The following TMEM132D variants were observed in gnomAD, a reference collection of about 807,000 sequenced individuals.
TMEM132D encodes transmembrane protein 132D.
Under a neutral mutation model 62.3 loss-of-function variants are expected in TMEM132D, and 21 were observed. That is an observed-to-expected ratio of 0.34 (90% confidence interval 0.24 to 0.49). The LOEUF is 0.49. TMEM132D is among the 20% of genes least tolerant of loss of function. The pLI is 0.99. For synonymous variants in TMEM132D, 621 were observed against 575.6 expected, an observed-to-expected ratio of 1.08 and a Z score of -1.13; for missense variants, 1,346 against 1,402.8, an observed-to-expected ratio of 0.96 and a Z score of 0.65.
At chr12:129,707,525 T>G (rs966041678) in intron 1 of TMEM132D, among the ~76,000 whole-genome samples, 1 of 152,178 alleles carries the variant, frequency 6.6e-6, no homozygotes, top group African/African-American at 2.4e-5. Context: ...AATTTTTCTA[T>G]AGAATATCTT....
chr12:129,457,498 G>A (rs867491858), intron 3 of TMEM132D, among the ~76,000 whole-genome samples: 3 of 150,488 alleles, frequency 2.0e-5, no homozygotes, highest in Non-Finnish European at 4.4e-5. Context: ...GCTAAATGAC[G>A]AGTTAATGGG....
intron 3 of TMEM132D, among the ~76,000 whole-genome samples, chr12:129,511,134 T>C (rs1038492292): frequency 1.3e-5 from 2 of 152,202 alleles, no homozygotes; most frequent in Admixed American, 6.5e-5. Flanking sequence ...AATAGTGATA[T>C]AAAATATACC....
intron 5 of TMEM132D, among the ~76,000 whole-genome samples, chr12:129,163,042 C>T (rs569801145): frequency 6.5e-4 from 99 of 152,318 alleles, no homozygotes; most frequent in African/African-American, 2.1e-3. Context: ...TCCGACACCA[C>T]GTCCTGGGGG....
intron 2 of TMEM132D, among the ~76,000 whole-genome samples, chr12:129,643,786 C>T (rs546353276): frequency 2.4e-4 from 36 of 152,166 alleles, no homozygotes; most frequent in Admixed American, 9.8e-4. Context: ...GAAGGCCCCT[C>T]CAGGCTTCCA....
In TMEM132D at chr12:129,367,577, G is replaced by A. The variant is rs150932887; in HGVS notation, c.1116-29760C>T. ...AGCAAGGGTCTTCTTCAGGTGTGAC[G>A]GGCTGCAAGGTCAAATGGATGGAGT... On this transcript the variant is annotated intron_variant, in intron 3 of 8. Transcript: ENST00000422113. 2.1e-3 allele frequency among the ~76,000 whole-genome samples: 314 copies of A among 152,166 alleles called. 2 individuals carry two copies. The highest frequency in any genetic ancestry group is 6.8e-3 in the African/African-American group (282 of 41,510).
At chr12:129,672,496 G>A (rs934116351) in intron 2 of TMEM132D, among the ~76,000 whole-genome samples, 3 of 152,102 alleles carry the variant, frequency 2.0e-5, no homozygotes, top group African/African-American at 4.8e-5. Flanking sequence ...TTAGTGTTCC[G>A]TACCTTGACC....
chr12:129,897,579 A>G (rs1875186615), intron 1 of TMEM132D, among the ~76,000 whole-genome samples: 1 of 152,196 alleles, frequency 6.6e-6, no homozygotes, highest in South Asian at 2.1e-4. Flanking sequence ...AATAAAAAAA[A>G]CAAAAAAGAA....
At chr12:129,164,157 G>A (rs1877475211) in intron 5 of TMEM132D, among the ~76,000 whole-genome samples, 1 of 152,184 alleles carries the variant, frequency 6.6e-6, no homozygotes, top group Non-Finnish European at 1.5e-5. Flanking sequence ...CCACAACACA[G>A]CCTGGAAGCT....
chr12:129,366,438 G>A (rs546804076), intron 3 of TMEM132D, among the ~76,000 whole-genome samples: 2 of 152,106 alleles, frequency 1.3e-5, no homozygotes, highest in African/African-American at 2.4e-5. Context: ...CATGTGACAC[G>A]CCTGCTTCCC....
intron 2 of TMEM132D, among the ~76,000 whole-genome samples, chr12:129,553,260 C>T: frequency 6.6e-6 from 1 of 152,180 alleles, no homozygotes; most frequent in Non-Finnish European, 1.5e-5. Flanking sequence ...CCCGTGGTCC[C>T]TGGCTGCGTG....
intron 3 of TMEM132D, among the ~76,000 whole-genome samples, chr12:129,419,018 G>A (rs969230385): frequency 2.0e-5 from 3 of 152,154 alleles, no homozygotes; most frequent in Non-Finnish European, 2.9e-5. Flanking sequence ...AGCCTTCCAC[G>A]GGAGCAGGGC....
At chr12:129,765,592 A>T (rs1228648316) in intron 1 of TMEM132D, among the ~76,000 whole-genome samples, 1 of 152,060 alleles carries the variant, frequency 6.6e-6, no homozygotes, top group East Asian at 1.9e-4. Context: ...AGACCCAGAA[A>T]AAAAAAAGAA....
chr12:129,374,468 C>T (rs965788471), intron 3 of TMEM132D, among the ~76,000 whole-genome samples: 1 of 151,836 alleles, frequency 6.6e-6, no homozygotes, highest in African/African-American at 2.4e-5. Context: ...ATAACAGATG[C>T]CTTGGGCTGG....
At chr12:129,896,660 T>C (rs1471532596) in intron 1 of TMEM132D, among the ~76,000 whole-genome samples, 1 of 152,190 alleles carries the variant, frequency 6.6e-6, no homozygotes, top group Non-Finnish European at 1.5e-5. Flanking sequence ...TCACTAAAAG[T>C]TAAACACTTT....
chr12:129,817,831 T>C (rs893999945), intron 1 of TMEM132D, among the ~76,000 whole-genome samples: 6 of 147,400 alleles, frequency 4.1e-5, no homozygotes, highest in South Asian at 2.2e-4. Flanking sequence ...TCTGTGTGTA[T>C]GTGGTTTGGG....
chr12:129,257,782 A>C (rs1880446779), intron 4 of TMEM132D, among the ~76,000 whole-genome samples: 1 of 152,200 alleles, frequency 6.6e-6, no homozygotes, highest in Non-Finnish European at 1.5e-5. Flanking sequence ...CTTGACCTAC[A>C]GAAGGCATCC....
In TMEM132D at chr12:129,375,477, T is replaced by C. The variant is rs77932063; in HGVS notation, c.1116-37660A>G. On this transcript the variant is annotated intron_variant, in intron 3 of 8. Transcript: ENST00000422113. ...TGACTTAATTGGTCTGGGGTATGCA[T>C]TGGGCGTGCCTTGGTATTTTAAAAA... Among the ~76,000 whole-genome samples the C allele has an allele frequency of 3.4e-3, 515 of 152,300 alleles. 2 individuals are homozygous for C. The highest frequency in any genetic ancestry group is 8.4e-3 in the African/African-American group (351 of 41,558).
At chr12:129,753,455 T>G (rs1870065155) in intron 1 of TMEM132D, among the ~76,000 whole-genome samples, 1 of 152,210 alleles carries the variant, frequency 6.6e-6, no homozygotes, top group Non-Finnish European at 1.5e-5. Context: ...CGAGTCTTCC[T>G]AACGTTCTCC....
intron 4 of TMEM132D, 111 bp from the exon 5 acceptor site, chr12:129,209,774 C>A (rs917831276): frequency 4.8e-6 from 7 of 1,460,084 alleles, no homozygotes; most frequent in Non-Finnish European, 1.9e-6. Flanking sequence ...CTGGCCTCTT[C>A]TGCAGGCTCA....
Sources: gnomAD v4.1 joint callset for allele counts (sites outside exome capture counted in the v4.1 genomes callset) on GRCh38, gnomAD v4.1.1 for gene constraint, MANE v1.5 for transcripts, NCBI Gene and HGNC (gene_info 2026-07-23, HGNC 2026-07-21) for gene names.